Variants in ZYG11B observed in about 807,000 individuals in gnomAD.
ZYG11B encodes the protein protein zyg-11 homolog B.
ZYG11B carries 36 observed loss-of-function variants against 82.4 expected under a neutral mutation model. The ratio of observed to expected loss-of-function variants is 0.44; its 90% confidence interval spans 0.33 to 0.58. The LOEUF is 0.58. Ranked by LOEUF, ZYG11B falls within the 20% of genes least tolerant of loss-of-function variation. ZYG11B has a pLI of 0.02. For synonymous variants in ZYG11B, 303 were observed against 312.8 expected (o/e 0.97, Z 0.33); for missense variants, 552 against 895.6 (o/e 0.62, Z 4.90).
chr1:52,819,355 G>T (rs1645261473), intron 13 of ZYG11B, among the ~76,000 whole-genome samples: 1 of 152,016 alleles, frequency 6.6e-6, no homozygotes. Flanking sequence ...GTACCCACAG[G>T]TTCTGAGGAC....
chr1:52,751,074 C>T (rs1252366530), intron 1 of ZYG11B, among the ~76,000 whole-genome samples: 1 of 152,064 alleles, frequency 6.6e-6, no homozygotes, highest in African/African-American at 2.4e-5. Context: ...GGTGCCATCA[C>T]GACTCACTGT....
At chr1:52,800,221 A>C (rs1263332292) in intron 8 of ZYG11B, among the ~76,000 whole-genome samples, 1 of 151,840 alleles carries the variant, frequency 6.6e-6, no homozygotes, top group Non-Finnish European at 1.5e-5. Context: ...GTCTACAGCG[A>C]ACTATAATTG....
chr1:52,726,741 C>A, intron 1 of ZYG11B, 58 bp downstream of exon 1: 1 of 1,421,118 alleles, frequency 7.0e-7, no homozygotes, highest in Non-Finnish European at 9.2e-7. Context: ...CCCCGCCCGT[C>A]GCGCTGGCCC....
chr1:52,730,260 T>A (rs1644319355), intron 1 of ZYG11B, among the ~76,000 whole-genome samples: 2 of 152,326 alleles, frequency 1.3e-5, no homozygotes, highest in South Asian at 4.1e-4. Context: ...AAATGACAGA[T>A]AGTAAAATAG....
rs1283461090 is a variant in ZYG11B at position 52,821,567 on chromosome 1, C to T, written c.2173C>T (p.His725Tyr). 1.2e-6 allele frequency: 2 copies of T among 1,613,988 alleles called. No homozygotes were observed. Among genetic ancestry groups the T allele is most frequent in the Non-Finnish European group, 8.5e-7 (1 of 1,180,012 alleles). The change falls in exon 14 of 14, where the codon CAC (histidine) becomes TAC (tyrosine). Residue 725 changes from histidine to tyrosine, a missense_variant. Around this residue, in one of 3 missense-constraint regions of ZYG11B, gnomAD observed 127 missense variants for 163.4 expected, o/e 0.78. Transcript: ENST00000294353. ...AVAILDSLEK[H>Y]IVRHGRPPPC... Reference sequence around the variant, plus strand: ...GGCCATTCTGGATAGCTTAGAAAAACACATTGTGCGCCATGGGAGGCCACC... The same window carrying T: ...GGCCATTCTGGATAGCTTAGAAAAATACATTGTGCGCCATGGGAGGCCACC...
chr1:52,726,641 G>A lies in ZYG11B; in HGVS notation c.-13G>A. ...CCGGTCCGGCCCGCCGCCGCACCCA[G>A]GACGGAGGCTGCATGCCCGAGGACC... On this transcript the variant is annotated 5_prime_UTR_variant, in exon 1 of 14. Coordinates refer to ENST00000294353, the MANE Select transcript of ZYG11B (RefSeq NM_024646.3). 6.8e-7 allele frequency: 1 copy of A among 1,466,512 alleles called. No homozygotes were observed. Among genetic ancestry groups the A allele is most frequent in the South Asian group, 1.3e-5 (1 of 76,810 alleles). The allele number at this position is 1,466,512 out of a possible 1,614,324, so 90.8% of individuals were successfully genotyped here.
rs986231414 is a variant in ZYG11B at position 52,827,263 on chromosome 1, C to T, written c.*5634C>T. The T allele has an allele frequency of 1.3e-5, 2 of 152,106 alleles. No individual in the cohort carries two copies. Among genetic ancestry groups the T allele is most frequent in the African/African-American group, 4.8e-5 (2 of 41,420 alleles). 9.4% of individuals were successfully genotyped at this position (152,106 alleles called of 1,614,324 possible). A position where few individuals can be genotyped will look rare whatever the true frequency, so the allele number is the denominator to read the frequency against. On this transcript the variant is annotated 3_prime_UTR_variant, in exon 14 of 14. Transcript: ENST00000294353. ...TGCTGTATTTTAAATCAGGACATCACTTAAGTATTAATGTTGTGTGTACAG... is the reference window on the plus strand; with the variant it reads ...TGCTGTATTTTAAATCAGGACATCATTTAAGTATTAATGTTGTGTGTACAG...
rs376090895 is a variant in ZYG11B, at chr1:52,746,094, A to G, written c.31-10364A>G. Among the ~76,000 whole-genome samples, 6 of 152,076 alleles carry G rather than the reference A, an allele frequency of 3.9e-5. 1 individual carries two copies. The stretch of plus-strand genomic sequence containing the variant: ...TCCTGCCTCAGCCTCCTGAGTAGCA[A>G]CTACAGGCGCGTGCCACCACGCCCA... On this transcript the variant is annotated intron_variant, in intron 1 of 13. Coordinates refer to ENST00000294353, the MANE Select transcript of ZYG11B (RefSeq NM_024646.3).
At chr1:52,797,514 TA>T (rs1389324511) in intron 8 of ZYG11B, among the ~76,000 whole-genome samples, 2 of 95,102 alleles carry the variant, frequency 2.1e-5, no homozygotes, top group African/African-American at 6.6e-5. Context: ...AATATATATA[TA>T]TATTTTTTTT....
At chr1:52,804,055 C>A (rs953101616) in intron 10 of ZYG11B, among the ~76,000 whole-genome samples, 1 of 152,072 alleles carries the variant, frequency 6.6e-6, no homozygotes, top group Non-Finnish European at 1.5e-5. Context: ...GCCTGGGCAA[C>A]GAAGCACAAC....
intron 6 of ZYG11B, among the ~76,000 whole-genome samples, chr1:52,791,774 A>G (rs961124903): frequency 6.6e-6 from 1 of 152,206 alleles, no homozygotes. Flanking sequence ...GAAATAAACA[A>G]TTTGGATAAA....
intron 13 of ZYG11B, among the ~76,000 whole-genome samples, chr1:52,817,816 T>TATATATATG (rs1160186535): frequency 1.2e-4 from 1 of 8,118 alleles, no homozygotes. Flanking sequence ...TATATATATA[T>TATATATATG]TTTTTTTTTT....
At chr1:52,783,831 C>CATACACGTGT (rs1553260788) in intron 4 of ZYG11B, among the ~76,000 whole-genome samples, 1 of 72,488 alleles carries the variant, frequency 1.4e-5, no homozygotes, top group Non-Finnish European at 3.6e-5. Flanking sequence ...TGTATACATA[C>CATACACGTGT]GTGTGTATAT....
chr1:52,802,219 T>G, intron 10 of ZYG11B, 80 bp downstream of exon 10: 2 of 1,401,094 alleles, frequency 1.4e-6, no homozygotes, highest in Non-Finnish European at 2.0e-6. Context: ...GTTGCAGCTC[T>G]GCAGTGGCAG....
chr1:52,811,914 C>G (rs1645187264), intron 10 of ZYG11B, among the ~76,000 whole-genome samples: 2 of 151,990 alleles, frequency 1.3e-5, no homozygotes, highest in Non-Finnish European at 2.9e-5. Flanking sequence ...GCCTGTAGCC[C>G]CAGGTACCCG....
chr1:52,793,901 T>TTCCTTCCTTCCTTCC lies in ZYG11B; in HGVS notation c.1335-2390_1335-2389insCCTTCCTTCCTTCCT, dbSNP rs10660798. 8.6e-3 allele frequency among the ~76,000 whole-genome samples: 971 copies of TTCCTTCCTTCCTTCC among 112,960 alleles called. 13 individuals carry two copies. The highest frequency in any genetic ancestry group is 0.025 in the Middle Eastern group (6 of 236). The allele number at this position is 112,960 out of a possible 152,430, so 74.1% of individuals were successfully genotyped here. A position where few individuals can be genotyped will look rare whatever the true frequency, so the allele number is the denominator to read the frequency against. On this transcript the variant is annotated intron_variant, in intron 6 of 13. Transcript: ENST00000294353. ...CTTCCTTCCTTCCTTCCTTCCTTCC[T>TTCCTTCCTTCCTTCC]TTCTTTCCTTTCTTTCCTTTCTTAG... is the stretch of plus-strand genomic sequence containing the variant.
At chr1:52,803,223 TACACACATATATATATACAC>T in intron 10 of ZYG11B, among the ~76,000 whole-genome samples, 1 of 71,952 alleles carries the variant, frequency 1.4e-5, no homozygotes, top group Non-Finnish European at 2.2e-5. Context: ...TATATATATA[TACACACATATATATATACAC>T]ACACACATAT....
chr1:52,803,408 G>A (rs1235210450), intron 10 of ZYG11B, among the ~76,000 whole-genome samples: 18 of 139,844 alleles, frequency 1.3e-4, no homozygotes, highest in Non-Finnish European at 1.8e-4. Flanking sequence ...TTGCACTCCA[G>A]CCTGGACAAT....
intron 8 of ZYG11B, among the ~76,000 whole-genome samples, chr1:52,799,559 G>A (rs1645057955): frequency 6.6e-6 from 1 of 151,478 alleles, no homozygotes; most frequent in African/African-American, 2.4e-5. Context: ...GGAGGTTGAG[G>A]TGGGCGGATC....
Sources: allele counts gnomAD v4.1 joint callset (sites outside exome capture counted in the v4.1 genomes callset), GRCh38; gene constraint gnomAD v4.1.1; regional missense constraint gnomAD v4.1.1; transcripts MANE v1.5; gene names NCBI Gene and HGNC (gene_info 2026-07-23, HGNC 2026-07-21).